AKAP6: variants seen among roughly 807,000 people sequenced by gnomAD.
AKAP6 encodes A-kinase anchoring protein 6, also known as A-kinase anchor protein 6.
AKAP6 carries 58 observed loss-of-function variants against 188.5 expected under a neutral mutation model. That is an observed-to-expected ratio of 0.31 (90% CI 0.25 to 0.38). The LOEUF (loss-of-function observed/expected upper bound fraction) is 0.38, where lower values mean the gene tolerates loss of function less well. Among genes scored for constraint, AKAP6 ranks in the 10% least tolerant of loss-of-function variants. The pLI is 1.00. For missense variants in AKAP6, 2,710 were observed against 2,740.0 expected, an observed-to-expected ratio of 0.99 and a Z score of 0.24; for synonymous variants, 989 against 998.6, an observed-to-expected ratio of 0.99 and a Z score of 0.18.
chr14:32,737,969 T>C (rs2031505706), intron 11 of AKAP6, among the ~76,000 whole-genome samples: 1 of 152,040 alleles, frequency 6.6e-6, no homozygotes, highest in Non-Finnish European at 1.5e-5. Flanking sequence ...AAGCAATACG[T>C]ATGAGAAATA....
intron 7 of AKAP6, among the ~76,000 whole-genome samples, chr14:32,663,399 C>T (rs1156506205): frequency 6.6e-6 from 1 of 152,058 alleles, no homozygotes; most frequent in Non-Finnish European, 1.5e-5. Flanking sequence ...GGTCAGGAAT[C>T]TGTGGGTGAT....
At position 32,372,830 on chromosome 14, in the gene AKAP6, G is replaced by C. The variant is rs911678603; in HGVS notation, c.-35+43422G>C. Among the ~76,000 whole-genome samples the C allele has an allele frequency of 2.0e-5, 3 of 151,836 alleles. No individual in the cohort carries two copies. The East Asian group carries it at 5.8e-4, about 29-fold the overall frequency. ...TATTCACATGTGCTTGTGTGTCTGA[G>C]AGAGAGAGGAGAGAGAAAAAGAAAG... is the stretch of plus-strand genomic sequence containing the variant. On this transcript the variant is annotated intron_variant, in intron 1 of 13. Transcript: ENST00000280979.
Position 32,765,838 on chromosome 14 carries a change from A to T in AKAP6, c.3373-7840A>T, listed in dbSNP as rs1448825138. Among the ~76,000 whole-genome samples the T allele has an allele frequency of 2.6e-5, 4 of 152,218 alleles. No homozygotes were observed. In the East Asian group the frequency reaches 7.7e-4, roughly 29 times the overall value. On this transcript the variant is annotated intron_variant, in intron 11 of 13. Transcript: ENST00000280979. ...CATCTGTTGTATGACACACCCTAGC[A>T]GAATGGTAAATTCTCTGATTGTATA...
intron 2 of AKAP6, among the ~76,000 whole-genome samples, chr14:32,505,957 G>GTTAA (rs1467233584): frequency 2.0e-5 from 3 of 151,990 alleles, no homozygotes; most frequent in African/African-American, 7.3e-5. Context: ...AGTAAGCAGG[G>GTTAA]TTAAGCTGGG....
chr14:32,508,573 C>T (rs1043063604), intron 2 of AKAP6, among the ~76,000 whole-genome samples: 3 of 152,160 alleles, frequency 2.0e-5, no homozygotes, highest in South Asian at 4.1e-4. Flanking sequence ...GAGAATGACA[C>T]TTACTGCAAG....
At chr14:32,365,875 A>C (rs1887815249) in intron 1 of AKAP6, among the ~76,000 whole-genome samples, 1 of 151,678 alleles carries the variant, frequency 6.6e-6, no homozygotes, top group Non-Finnish European at 1.5e-5. Context: ...TTTACCTACT[A>C]TTTCCTTCTG....
intron 11 of AKAP6, among the ~76,000 whole-genome samples, chr14:32,754,018 T>A (rs549899677): frequency 6.6e-6 from 1 of 152,192 alleles, no homozygotes; most frequent in East Asian, 1.9e-4. Flanking sequence ...TCTTTTGTAG[T>A]TCTACATAAA....
At position 32,822,798 on chromosome 14, in the gene AKAP6, GT is replaced by G; in HGVS notation, c.4987del (p.Ser1663ProfsTer14). 1 of 1,613,930 alleles carries G rather than the reference GT, an allele frequency of 6.2e-7. No individual in the cohort carries two copies. The highest frequency in any genetic ancestry group is 8.5e-7 in the Non-Finnish European group (1 of 1,179,934). On this transcript the variant is annotated frameshift_variant, in exon 13 of 14. Transcript: ENST00000280979. LOFTEE classifies it high-confidence loss of function. ...GTTTCTGATATCACTCTTCAAAGCA[GT>G]TCCCAAAAGATGTCCTTTACTGGCC... ...RSVSDITLQSSSQKMSFTGQM... is the reference protein window; with the variant it reads ...RSVSDITLQSXSQKMSFTGQM...
chr14:32,728,120 G>A (rs1256311085), intron 9 of AKAP6, among the ~76,000 whole-genome samples: 1 of 151,680 alleles, frequency 6.6e-6, no homozygotes, highest in Non-Finnish European at 1.5e-5. Context: ...ACTTGCTGAG[G>A]GGCCACCATG....
chr14:32,410,597 A>T (rs1403216329), intron 1 of AKAP6, among the ~76,000 whole-genome samples: 10 of 152,146 alleles, frequency 6.6e-5, no homozygotes, highest in Admixed American at 6.6e-4. Context: ...ATCTCTTCAA[A>T]TATTTTATAG....
At chr14:32,340,423 G>C (rs1459712550) in intron 1 of AKAP6, among the ~76,000 whole-genome samples, 1 of 152,094 alleles carries the variant, frequency 6.6e-6, no homozygotes, top group Non-Finnish European at 1.5e-5. Flanking sequence ...TGAATTTTTA[G>C]TCCCTGCTGA....
intron 2 of AKAP6, among the ~76,000 whole-genome samples, chr14:32,533,114 T>C (rs1212701447): frequency 6.6e-6 from 1 of 152,104 alleles, no homozygotes; most frequent in East Asian, 1.9e-4. Flanking sequence ...GTAAAGGAAA[T>C]CTGAGGCTAC....
At chr14:32,658,653 T>C (rs1486735895) in intron 7 of AKAP6, among the ~76,000 whole-genome samples, 2 of 152,090 alleles carry the variant, frequency 1.3e-5, no homozygotes, top group South Asian at 4.2e-4. Flanking sequence ...CTGAAACTTT[T>C]GATTTGCATC....
intron 5 of AKAP6, among the ~76,000 whole-genome samples, chr14:32,591,825 C>G (rs1367362139): frequency 2.6e-5 from 4 of 152,032 alleles, no homozygotes; most frequent in Admixed American, 2.6e-4. Flanking sequence ...ACAAATGTAG[C>G]CACTTCATTT....
At chr14:32,735,967 C>A in intron 11 of AKAP6, 85 bp downstream of exon 11, 1 of 1,039,648 alleles carries the variant, frequency 9.6e-7, no homozygotes, top group Non-Finnish European at 1.4e-6. Flanking sequence ...GTATTATACC[C>A]ATGTATCTGT....
intron 1 of AKAP6, among the ~76,000 whole-genome samples, chr14:32,423,525 C>A (rs917206953): frequency 1.3e-5 from 2 of 152,072 alleles, no homozygotes; most frequent in African/African-American, 4.8e-5. Context: ...CTTATTAACA[C>A]CTGGTAAATG....
At chr14:32,463,190 C>T (rs554207309) in intron 2 of AKAP6, among the ~76,000 whole-genome samples, 2 of 152,036 alleles carry the variant, frequency 1.3e-5, no homozygotes, top group African/African-American at 4.8e-5. Flanking sequence ...TAAATGATCA[C>T]CAAGACAGAA....
intron 12 of AKAP6, among the ~76,000 whole-genome samples, chr14:32,777,067 T>G (rs1485068082): frequency 6.6e-6 from 1 of 152,186 alleles, no homozygotes; most frequent in African/African-American, 2.4e-5. Flanking sequence ...TCACAAGGCA[T>G]GTGATAGGGT....
chr14:32,549,235 G>A (rs1019655518), intron 4 of AKAP6, among the ~76,000 whole-genome samples: 1 of 152,220 alleles, frequency 6.6e-6, no homozygotes, highest in East Asian at 1.9e-4. Context: ...TCCTGTCCAT[G>A]AGGAAGTGAT....
Sources: gnomAD v4.1 joint callset for allele counts (sites outside exome capture counted in the v4.1 genomes callset) on GRCh38, gnomAD v4.1.1 for gene constraint, MANE v1.5 for transcripts, NCBI Gene and HGNC (gene_info 2026-07-23, HGNC 2026-07-21) for gene names.